The following CRY1 variants were observed in gnomAD, a reference collection of about 807,000 sequenced individuals.
CRY1 encodes the protein cryptochrome-1.
In CRY1, 45 loss-of-function variants were observed where a neutral mutation model predicts 76.0. The observed-to-expected ratio is 0.59, with a 90% confidence interval of 0.47 to 0.76. The LOEUF is 0.76. CRY1 is among the 30% of genes least tolerant of loss of function. The pLI is 0.00. For missense variants in CRY1, 587 were observed against 716.4 expected (o/e 0.82, Z 2.06); for synonymous variants, 248 against 244.0 (o/e 1.02, Z -0.15).
chr12:107,060,698 A>T (rs1018872132), intron 1 of CRY1, among the ~76,000 whole-genome samples: 3 of 152,154 alleles, frequency 2.0e-5, no homozygotes, highest in Admixed American at 2.0e-4. Flanking sequence ...ACTCTTTTTT[A>T]AAAAAATTTG....
At chr12:107,034,384 T>C (rs773927530) in intron 1 of CRY1, among the ~76,000 whole-genome samples, 1 of 152,114 alleles carries the variant, frequency 6.6e-6, no homozygotes. Context: ...TTGTTTAGCA[T>C]ATACTCTTGA....
At chr12:106,993,547 T>C (rs187365576) in intron 10 of CRY1, among the ~76,000 whole-genome samples, 2 of 151,816 alleles carry the variant, frequency 1.3e-5, no homozygotes, top group Non-Finnish European at 2.9e-5. Context: ...AACACTATTA[T>C]AGGAGAATAG....
At chr12:107,005,043 G>T in intron 3 of CRY1, 63 bp downstream of exon 3, 2 of 1,497,110 alleles carry the variant, frequency 1.3e-6, no homozygotes, top group South Asian at 1.2e-5. Context: ...CTTAAAAATG[G>T]TTAAGATGGT....
chr12:107,092,684 T>C, intron 1 of CRY1, 120 bp downstream of exon 1: 1 of 1,431,298 alleles, frequency 7.0e-7, no homozygotes, highest in Non-Finnish European at 9.6e-7. Flanking sequence ...CTAAAATTCG[T>C]AAGCGGTATA....
chr12:107,036,091 C>G (rs561706547), intron 1 of CRY1, among the ~76,000 whole-genome samples: 2 of 152,306 alleles, frequency 1.3e-5, no homozygotes, highest in East Asian at 3.9e-4. Context: ...AACACAAGGC[C>G]TCCTCCACAG....
Position 106,997,541 on chromosome 12 carries a change from T to C in CRY1, c.1439A>G (p.Asn480Ser), listed in dbSNP as rs765335483. Residue 480 changes from asparagine (N) to serine (S), a missense_variant, in exon 9 of 13, where the codon AAT becomes AGT. By Grantham distance (46) the Asn-to-Ser change is conservative. Transcript: ENST00000008527. The stretch of plus-strand genomic sequence containing the variant: ...ATAGATCTGTTTCATCCTTTCGATA[T>C]TCAAACGGCTTGCCTCAGCATGGTT... ...MVNHAEASRL[N>S]IERMKQIYQQ... 1 of 1,614,168 alleles carries C rather than the reference T, an allele frequency of 6.2e-7. No homozygotes were observed. The highest frequency in any genetic ancestry group is 8.5e-7 in the Non-Finnish European group (1 of 1,180,004).
chr12:107,088,475 CACAA>C (rs764619309), intron 1 of CRY1, among the ~76,000 whole-genome samples: 1 of 151,720 alleles, frequency 6.6e-6, no homozygotes, highest in Non-Finnish European at 1.5e-5. Flanking sequence ...TTTATAATAA[CACAA>C]ACAGACTAAG....
chr12:107,092,209 C>G (rs754883421), intron 1 of CRY1, among the ~76,000 whole-genome samples: 2 of 152,142 alleles, frequency 1.3e-5, no homozygotes, highest in Admixed American at 6.5e-5. Context: ...GTGCTCTGAT[C>G]CCTAGAAGGA....
At chr12:107,060,487 G>A (rs1953032926) in intron 1 of CRY1, among the ~76,000 whole-genome samples, 1 of 152,064 alleles carries the variant, frequency 6.6e-6, no homozygotes, top group African/African-American at 2.4e-5. Flanking sequence ...ATATATTTTT[G>A]TTCATTAAAA....
intron 1 of CRY1, among the ~76,000 whole-genome samples, chr12:107,053,967 T>A (rs1170362543): frequency 6.6e-6 from 1 of 152,164 alleles, no homozygotes; most frequent in Admixed American, 6.5e-5. Context: ...AAGGCCAGTA[T>A]CTTCAAACAA....
rs574989240 is a variant in CRY1, at chr12:107,006,362, C to T, written c.268-1114G>A. Among the ~76,000 whole-genome samples, 149 of 151,366 alleles carry T rather than the reference C, an allele frequency of 9.8e-4. 1 individual carries two copies. The highest frequency in any genetic ancestry group is 3.4e-3 in the African/African-American group (140 of 41,172). On this transcript the variant is annotated intron_variant, in intron 2 of 12. Coordinates refer to ENST00000008527, the MANE Select transcript of CRY1 (RefSeq NM_004075.5). ...TGCACTCCAGACTGAGCGACAGGAG[C>T]GAGGCTCCATCTCAAAAAAAAAAAA...
intron 1 of CRY1, among the ~76,000 whole-genome samples, chr12:107,063,012 T>C (rs1206776602): frequency 6.6e-6 from 1 of 152,196 alleles, no homozygotes; most frequent in East Asian, 1.9e-4. Flanking sequence ...TACAAAACTT[T>C]ATTTATTTTT....
At position 106,992,837 on chromosome 12, in the gene CRY1, C is replaced by G. The variant is rs1440795741; in HGVS notation, c.1711G>C (p.Glu571Gln). The change falls in exon 12 of 13, where the codon GAG (glutamate) becomes CAG (glutamine). Residue 571 changes from glutamate (E) to glutamine (Q), a missense_variant. Coordinates refer to ENST00000008527, the MANE Select transcript of CRY1 (RefSeq NM_004075.5). Reference sequence around the variant, plus strand: ...TTAGGACCAATACTCTGTGTGTCCTCTTCCTGACTAGGACGTTTCCCACCA... The same window carrying G: ...TTAGGACCAATACTCTGTGTGTCCTGTTCCTGACTAGGACGTTTCCCACCA... The part of the protein sequence containing the change: ...LSGGKRPSQE[E>Q]DTQSIGPKVQ... 1 of 1,613,966 alleles carries G rather than the reference C, an allele frequency of 6.2e-7. No individual in the cohort carries two copies. Among genetic ancestry groups the G allele is most frequent in the Non-Finnish European group, 8.5e-7 (1 of 1,179,962 alleles).
At chr12:107,079,995 G>C (rs994260984) in intron 1 of CRY1, among the ~76,000 whole-genome samples, 3 of 152,102 alleles carry the variant, frequency 2.0e-5, no homozygotes, top group African/African-American at 7.2e-5. Context: ...AAACAACCTA[G>C]GCAAAGAGAA....
chr12:107,030,211 G>C (rs1952660458), intron 1 of CRY1, among the ~76,000 whole-genome samples: 1 of 152,118 alleles, frequency 6.6e-6, no homozygotes, highest in Non-Finnish European at 1.5e-5. Context: ...AACAAGAATG[G>C]GAAAGAATAT....
intron 1 of CRY1, among the ~76,000 whole-genome samples, chr12:107,040,577 C>T (rs967534387): frequency 6.6e-6 from 1 of 151,884 alleles, no homozygotes; most frequent in African/African-American, 2.4e-5. Context: ...AGCCATGTGC[C>T]CAGCCAAAAG....
intron 1 of CRY1, among the ~76,000 whole-genome samples, chr12:107,068,302 A>G (rs528511509): frequency 6.6e-6 from 1 of 152,230 alleles, no homozygotes; most frequent in African/African-American, 2.4e-5. Flanking sequence ...TACAAAACTA[A>G]TAATTTTTTC....
chr12:106,999,546 C>G lies in CRY1; in HGVS notation c.1137+5G>C, dbSNP rs763180024. The G allele has an allele frequency of 6.2e-7, 1 of 1,606,088 alleles. No homozygotes were observed. Among genetic ancestry groups the G allele is most frequent in the Non-Finnish European group, 8.5e-7 (1 of 1,176,402 alleles). On this transcript the variant is annotated splice_donor_5th_base_variant and intron_variant, in intron 7 of 12. Coordinates refer to ENST00000008527, the MANE Select transcript of CRY1 (RefSeq NM_004075.5). ...AAGGCATGCTATATCAGTTAGAACA[C>G]TTACCTTCATTCCTTCTTCCCAACT...
At chr12:107,069,538 T>A (rs1208221764) in intron 1 of CRY1, among the ~76,000 whole-genome samples, 1 of 142,098 alleles carries the variant, frequency 7.0e-6, no homozygotes, top group Non-Finnish European at 1.5e-5. Flanking sequence ...ATATATATAT[T>A]ATATATATAA....
Sources: gnomAD v4.1 joint callset for allele counts (sites outside exome capture counted in the v4.1 genomes callset) on GRCh38, gnomAD v4.1.1 for gene constraint, MANE v1.5 for transcripts, NCBI Gene and HGNC (gene_info 2026-07-23, HGNC 2026-07-21) for gene names.